The following PPP1R12B variants were observed in gnomAD, a reference collection of about 807,000 sequenced individuals.
PPP1R12B encodes the protein myosin phosphatase target subunit 2.
A neutral mutation model predicts 126.1 loss-of-function variants in PPP1R12B; 76 were observed. The observed-to-expected ratio is 0.60, with a 90% CI of 0.50 to 0.73. PPP1R12B has a LOEUF of 0.73. Among genes scored for constraint, PPP1R12B ranks in the 30% least tolerant of loss-of-function variants. The pLI is 0.00. For missense variants in PPP1R12B, 1,052 were observed against 1,205.1 expected, an observed-to-expected ratio of 0.87 and a Z score of 1.88; for synonymous variants, 356 against 434.7, an observed-to-expected ratio of 0.82 and a Z score of 2.25.
chr1:202,404,603 G>A (rs1264163684), intron 1 of PPP1R12B, among the ~76,000 whole-genome samples: 3 of 152,020 alleles, frequency 2.0e-5, no homozygotes, highest in Non-Finnish European at 4.4e-5. Context: ...AGCTTCAAGC[G>A]GTTCTCCTGC....
At chr1:202,443,072 T>G (rs1477586039) in intron 12 of PPP1R12B, 9 of 980,144 alleles carry the variant, frequency 9.2e-6, no homozygotes, top group Non-Finnish European at 1.1e-5. Flanking sequence ...TTCTTATGAC[T>G]TTAATGGCCC....
intron 18 of PPP1R12B, among the ~76,000 whole-genome samples, chr1:202,509,099 G>C (rs1331608802): frequency 6.6e-6 from 1 of 152,246 alleles, no homozygotes; most frequent in South Asian, 2.1e-4. Flanking sequence ...GCTGGCCTCT[G>C]CTCTAGGTTA....
At chr1:202,432,528 A>G (rs972233107) in intron 8 of PPP1R12B, among the ~76,000 whole-genome samples, 2 of 152,102 alleles carry the variant, frequency 1.3e-5, no homozygotes, top group African/African-American at 4.8e-5. Context: ...TGGCCTCCCT[A>G]AGTGCTAGGA....
At chr1:202,397,148 T>A (rs1665109814) in intron 1 of PPP1R12B, among the ~76,000 whole-genome samples, 1 of 152,186 alleles carries the variant, frequency 6.6e-6, no homozygotes, top group African/African-American at 2.4e-5. Context: ...ATGCTCTCAT[T>A]TCCTTTCACT....
At chr1:202,380,606 C>T (rs941546168) in intron 1 of PPP1R12B, among the ~76,000 whole-genome samples, 2 of 152,176 alleles carry the variant, frequency 1.3e-5, no homozygotes, top group African/African-American at 4.8e-5. Context: ...AACACCCCCC[C>T]CATTCCTTGG....
chr1:202,446,555 G>A (rs1222715203), intron 12 of PPP1R12B, among the ~76,000 whole-genome samples: 1 of 147,716 alleles, frequency 6.8e-6, no homozygotes, highest in Non-Finnish European at 1.5e-5. Flanking sequence ...CACTGCACCC[G>A]GCCGTATTAC....
chr1:202,449,242 T>C (rs1249893814), intron 13 of PPP1R12B, 71 bp downstream of exon 13: 2 of 1,487,678 alleles, frequency 1.3e-6, no homozygotes, highest in Non-Finnish European at 1.8e-6. Context: ...GGGCATAAAG[T>C]GTTTTTCCCA....
chr1:202,488,703 C>T (rs1490177276), intron 14 of PPP1R12B, 80 bp downstream of exon 14: 28 of 1,196,592 alleles, frequency 2.3e-5, no homozygotes, highest in Non-Finnish European at 3.2e-5. Context: ...ACTGCAATAT[C>T]CATGTTCAAC....
intron 18 of PPP1R12B, among the ~76,000 whole-genome samples, chr1:202,504,219 C>G (rs1487187666): frequency 6.6e-6 from 1 of 151,972 alleles, no homozygotes; most frequent in Admixed American, 6.6e-5. Context: ...ACAGTGAAAC[C>G]CCATCTCTAC....
rs540071178 is a variant in PPP1R12B at position 202,509,671 on chromosome 1, T to A, written c.2490+12849T>A. On this transcript the variant is annotated intron_variant, in intron 18 of 23. Coordinates refer to ENST00000608999, the MANE Select transcript of PPP1R12B (RefSeq NM_002481.4). The stretch of plus-strand genomic sequence containing the variant: ...TGCTGTCATTCACTTTAATTGCTTG[T>A]TGTCATTTGAATTCCTTAATTAGGA... 2.6e-5 allele frequency among the ~76,000 whole-genome samples: 4 copies of A among 152,340 alleles called. No homozygotes were observed. The East Asian group carries it at 7.7e-4, about 29-fold the overall frequency.
In PPP1R12B at chr1:202,504,198, C is replaced by T. The variant is rs543138165; in HGVS notation, c.2490+7376C>T. 4.4e-4 allele frequency among the ~76,000 whole-genome samples: 67 copies of T among 152,174 alleles called. No homozygotes were observed. The South Asian group carries it at 7.1e-3, about 16-fold the overall frequency. ...CCACTTGAGGTCAGGAGTTCGAGAC[C>T]AGCCTGGTCAACAGTGAAACCCCAT... On this transcript the variant is annotated intron_variant, in intron 18 of 23. Transcript: ENST00000608999.
At chr1:202,421,661 A>G (rs75196918) in intron 2 of PPP1R12B, among the ~76,000 whole-genome samples, 6,172 of 151,410 alleles carry the variant, frequency 0.041, 338 homozygotes, top group African/African-American at 0.12. Context: ...CAAAAAAAAA[A>G]GGGGTTTCTT....
intron 19 of PPP1R12B, among the ~76,000 whole-genome samples, chr1:202,561,110 A>G (rs1318426655): frequency 3.3e-5 from 5 of 152,030 alleles, no homozygotes; most frequent in African/African-American, 9.6e-5. Flanking sequence ...AACAAAGGCT[A>G]TGAATTGGCA....
At chr1:202,570,436 A>G (rs1280838897) in intron 23 of PPP1R12B, among the ~76,000 whole-genome samples, 1 of 152,234 alleles carries the variant, frequency 6.6e-6, no homozygotes, top group Non-Finnish European at 1.5e-5. Flanking sequence ...ATTTCCTACC[A>G]CTATCCCAAG....
At chr1:202,356,234 A>G (rs1657076680) in intron 1 of PPP1R12B, among the ~76,000 whole-genome samples, 1 of 152,120 alleles carries the variant, frequency 6.6e-6, no homozygotes, top group African/African-American at 2.4e-5. Flanking sequence ...TATCTATGTG[A>G]CTCAAGGCTA....
intron 1 of PPP1R12B, among the ~76,000 whole-genome samples, chr1:202,368,159 CAG>C (rs1486676945): frequency 6.6e-6 from 1 of 152,040 alleles, no homozygotes; most frequent in African/African-American, 2.4e-5. Flanking sequence ...TTAGTAGAAA[CAG>C]GGTTTCACCA....
chr1:202,489,733 G>C (rs1412376156), intron 14 of PPP1R12B, among the ~76,000 whole-genome samples: 2 of 152,122 alleles, frequency 1.3e-5, no homozygotes, highest in Admixed American at 6.5e-5. Context: ...GTTTCTTTTT[G>C]GGGTGATGAA....
chr1:202,359,457 A>G (rs933608551), intron 1 of PPP1R12B, among the ~76,000 whole-genome samples: 3 of 151,658 alleles, frequency 2.0e-5, no homozygotes, highest in Non-Finnish European at 4.4e-5. Context: ...AAATATTTCG[A>G]TATATATCTC....
rs1332284152 is a variant in PPP1R12B, at chr1:202,556,225, A to G, written c.2491-2652A>G. ...AAAATGAAAGCAGAGGAATGGTGGC[A>G]GGGAAGCTGACATTTTAAGAGTTCA... On this transcript the variant is annotated intron_variant, in intron 18 of 23. Coordinates refer to ENST00000608999, the MANE Select transcript of PPP1R12B (RefSeq NM_002481.4). 5.9e-5 allele frequency among the ~76,000 whole-genome samples: 9 copies of G among 152,342 alleles called. No homozygotes were observed. In the East Asian group the frequency reaches 1.5e-3, roughly 26 times the overall value.
Sources: allele counts gnomAD v4.1 joint callset (sites outside exome capture counted in the v4.1 genomes callset), GRCh38; gene constraint gnomAD v4.1.1; transcripts MANE v1.5; gene names NCBI Gene and HGNC (gene_info 2026-07-23, HGNC 2026-07-21).